Variants in MALRD1 observed in about 807,000 individuals in gnomAD.
MALRD1 encodes the protein MAM and LDL-receptor class A domain-containing protein 1.
A neutral mutation model predicts 242.1 loss-of-function variants in MALRD1; 247 were observed. The ratio of observed to expected loss-of-function variants is 1.02; its 90% CI spans 0.92 to 1.13. The LOEUF (loss-of-function observed/expected upper bound fraction) is 1.13. MALRD1 is among the 50% of genes most tolerant of loss of function. The pLI is 0.00. For missense variants in MALRD1, 2,989 were observed against 2,533.1 expected (o/e 1.18, Z -3.86); for synonymous variants, 995 against 866.6 (o/e 1.15, Z -2.60).
At chr10:19,121,464 G>T (rs1158779340) in intron 5 of MALRD1, among the ~76,000 whole-genome samples, 1 of 152,232 alleles carries the variant, frequency 6.6e-6, no homozygotes, top group Non-Finnish European at 1.5e-5. Flanking sequence ...AAGAACTGGT[G>T]TTTGAGTCAG....
intron 36 of MALRD1, among the ~76,000 whole-genome samples, chr10:19,636,018 A>T (rs1405933428): frequency 1.3e-5 from 2 of 151,748 alleles, no homozygotes; most frequent in African/African-American, 4.9e-5. Flanking sequence ...CTCCTGCCTC[A>T]GCCTTCCCAG....
At chr10:19,687,180 T>C (rs2131809650) in intron 36 of MALRD1, among the ~76,000 whole-genome samples, 1 of 152,316 alleles carries the variant, frequency 6.6e-6, no homozygotes, top group African/African-American at 2.4e-5. Flanking sequence ...TAGACTGATG[T>C]GTCTTAGTAC....
At chr10:19,245,867 A>T (rs1393784332) in intron 18 of MALRD1, among the ~76,000 whole-genome samples, 1 of 152,170 alleles carries the variant, frequency 6.6e-6, no homozygotes, top group Admixed American at 6.5e-5. Flanking sequence ...TATTTTAAAA[A>T]TTTCTTGAGA....
At chr10:19,213,278 A>T (rs1184694058) in intron 18 of MALRD1, among the ~76,000 whole-genome samples, 1 of 152,126 alleles carries the variant, frequency 6.6e-6, no homozygotes, top group East Asian at 1.9e-4. Context: ...CATGTTTTTA[A>T]AAATTTATTG....
At chr10:19,367,229 A>AT (rs1305836294) in intron 26 of MALRD1, among the ~76,000 whole-genome samples, 1 of 151,746 alleles carries the variant, frequency 6.6e-6, no homozygotes, top group Non-Finnish European at 1.5e-5. Flanking sequence ...TCTAGCTGTA[A>AT]TTTTATACCT....
rs963521071 is a variant in MALRD1, at chr10:19,453,872, G to A, written c.5029+3382G>A. ...AGCTAGGGTGATGGAGCAAGACTCC[G>A]TCTGAAAAAAAAAAAAATTGAAAAT... On this transcript the variant is annotated intron_variant, in intron 29 of 39. Transcript: ENST00000454679. Among the ~76,000 whole-genome samples the A allele has an allele frequency of 7.9e-5, 11 of 139,410 alleles. No individual in the cohort carries two copies. In the East Asian group the frequency reaches 1.1e-3, roughly 14 times the overall value. The allele number at this position is 139,410 out of a possible 152,430, so 91.5% of individuals were successfully genotyped here. A position where few individuals can be genotyped will look rare whatever the true frequency, so the allele number is the denominator to read the frequency against.
In MALRD1 at chr10:19,182,324, A is replaced by ATTTTTTTTTTTT. The variant is rs34790120; in HGVS notation, c.1951+7009_1951+7020dup. The stretch of plus-strand genomic sequence containing the variant: ...AACACAGTCTGCCTCCAAAACCTAC[A>ATTTTTTTTTTTT]TTTTTTTTTTTTTTTTTTTTTTTTG... On this transcript the variant is annotated intron_variant, in intron 14 of 39. Transcript: ENST00000454679. Among the ~76,000 whole-genome samples, 6 of 81,960 alleles carry ATTTTTTTTTTTT rather than the reference A, an allele frequency of 7.3e-5. 1 individual carries two copies. Among genetic ancestry groups the ATTTTTTTTTTTT allele is most frequent in the Non-Finnish European group, 1.1e-4 (5 of 45,622 alleles). The allele number at this position is 81,960 out of a possible 152,430, so 53.8% of individuals were successfully genotyped here.
At chr10:19,505,602 G>A (rs1833084569) in intron 31 of MALRD1, among the ~76,000 whole-genome samples, 1 of 152,172 alleles carries the variant, frequency 6.6e-6, no homozygotes, top group African/African-American at 2.4e-5. Flanking sequence ...CTGGTATTTT[G>A]TTGTGGCAGT....
intron 33 of MALRD1, 84 bp downstream of exon 33, chr10:19,567,787 T>G: frequency 1.7e-6 from 2 of 1,204,626 alleles, no homozygotes; most frequent in Non-Finnish European, 1.2e-6. Flanking sequence ...TCTGAGGAAT[T>G]ACATTTATTT....
At chr10:19,271,915 AAT>A (rs1840267966) in intron 19 of MALRD1, among the ~76,000 whole-genome samples, 1 of 152,190 alleles carries the variant, frequency 6.6e-6, no homozygotes, top group Admixed American at 6.6e-5. Flanking sequence ...AGAGATGAGC[AAT>A]GAGGGGTTAG....
Position 19,209,662 on chromosome 10 carries a change from C to G in MALRD1, c.2973C>G (p.Ser991=). The G allele has an allele frequency of 6.5e-7, 1 of 1,549,012 alleles. No homozygotes were observed. The highest frequency in any genetic ancestry group is 1.2e-5 in the South Asian group (1 of 83,812). ...NRWIRKHLNI[S]SRQPFQILVE... ...GGATTAGGAAACACCTCAACATTTC[C>G]AGCAGGCAGCCCTTTCAGGTATGGA... Residue 991 remains serine (S), a synonymous_variant, in exon 18 of 40, where the codon TCC becomes TCG. Coordinates refer to ENST00000454679, the MANE Select transcript of MALRD1 (RefSeq NM_001142308.3).
chr10:19,662,802 A>G (rs1349456317), intron 36 of MALRD1, among the ~76,000 whole-genome samples: 1 of 152,142 alleles, frequency 6.6e-6, no homozygotes, highest in East Asian at 1.9e-4. Context: ...GAGCAAGAAA[A>G]ATGAATCAAA....
At chr10:19,265,452 T>G (rs1031957989) in intron 19 of MALRD1, among the ~76,000 whole-genome samples, 6 of 152,160 alleles carry the variant, frequency 3.9e-5, no homozygotes, top group Non-Finnish European at 8.8e-5. Context: ...CTCAGATTTT[T>G]TATTTCATTT....
In MALRD1 at chr10:19,610,859, T is replaced by C. The variant is rs537152291; in HGVS notation, c.6070+2957T>C. ...TAATTATGGTATATAAGACACAATG[T>C]TATGAAGGACTAAGTGAGATAACAC... is the stretch of plus-strand genomic sequence containing the variant. On this transcript the variant is annotated intron_variant, in intron 35 of 39. Transcript: ENST00000454679. 7.2e-5 allele frequency among the ~76,000 whole-genome samples: 11 copies of C among 152,058 alleles called. No homozygotes were observed. The East Asian group carries it at 1.9e-3, about 27-fold the overall frequency.
intron 28 of MALRD1, among the ~76,000 whole-genome samples, chr10:19,434,051 A>G (rs1291326019): frequency 6.6e-6 from 1 of 152,162 alleles, no homozygotes; most frequent in African/African-American, 2.4e-5. Context: ...GAAAATGATT[A>G]CTAAGTATGC....
intron 28 of MALRD1, among the ~76,000 whole-genome samples, chr10:19,428,115 T>TC (rs1302667564): frequency 6.6e-6 from 1 of 151,890 alleles, no homozygotes; most frequent in Non-Finnish European, 1.5e-5. Flanking sequence ...GTCACTTTCC[T>TC]CTGCTGCCTT....
chr10:19,472,266 A>G (rs1564371075), intron 29 of MALRD1, among the ~76,000 whole-genome samples: 1 of 152,046 alleles, frequency 6.6e-6, no homozygotes, highest in Non-Finnish European at 1.5e-5. Context: ...TGATCAGGGT[A>G]TATGATCCTT....
intron 28 of MALRD1, among the ~76,000 whole-genome samples, chr10:19,405,754 C>A (rs535441081): frequency 2.0e-5 from 3 of 152,280 alleles, no homozygotes; most frequent in Admixed American, 6.5e-5. Context: ...TCCTTTGAAT[C>A]TTTTAAAGGA....
At chr10:19,125,350 T>A (rs542832627) in intron 7 of MALRD1, among the ~76,000 whole-genome samples, 1 of 107,130 alleles carries the variant, frequency 9.3e-6, no homozygotes, top group Non-Finnish European at 1.9e-5. Flanking sequence ...TCTTTCTTTC[T>A]TTCTTTCTTT....
Sources: allele counts gnomAD v4.1 joint callset (sites outside exome capture counted in the v4.1 genomes callset), GRCh38; gene constraint gnomAD v4.1.1; transcripts MANE v1.5; gene names NCBI Gene and HGNC (gene_info 2026-07-23, HGNC 2026-07-21).